Variants in NEGR1 observed in about 807,000 individuals in gnomAD.
NEGR1 encodes the protein neuronal growth regulator 1.
Under a neutral mutation model 40.9 loss-of-function variants are expected in NEGR1, and 10 were observed. That is an observed-to-expected ratio of 0.24 (90% confidence interval 0.15 to 0.42). NEGR1 has a LOEUF of 0.42. NEGR1 is among the 10% of genes least tolerant of loss of function. The probability of loss-of-function intolerance (pLI) is 1.00; values close to 1 mark genes in which losing one functional copy is unlikely to be tolerated. For missense variants in NEGR1, 352 were observed against 438.9 expected (o/e 0.80, Z 1.77); for synonymous variants, 185 against 166.8 (o/e 1.11, Z -0.84).
At chr1:72,174,494 C>A (rs775889422) in intron 1 of NEGR1, among the ~76,000 whole-genome samples, 1 of 152,228 alleles carries the variant, frequency 6.6e-6, no homozygotes, top group Admixed American at 6.5e-5. Flanking sequence ...CTATTCATTT[C>A]TTTCTCCCCT....
intron 6 of NEGR1, among the ~76,000 whole-genome samples, chr1:71,483,583 G>A (rs371240105): frequency 6.6e-6 from 1 of 150,592 alleles, no homozygotes; most frequent in African/African-American, 2.5e-5. Context: ...AAACTTTTAA[G>A]TCATATGTGG....
At chr1:72,107,657 T>A (rs1477753755) in intron 1 of NEGR1, among the ~76,000 whole-genome samples, 1 of 151,466 alleles carries the variant, frequency 6.6e-6, no homozygotes. Context: ...TTAAATAAAT[T>A]ATTTTATCAA....
chr1:71,956,984 A>G (rs1481590619), intron 1 of NEGR1, among the ~76,000 whole-genome samples: 1 of 152,170 alleles, frequency 6.6e-6, no homozygotes, highest in Non-Finnish European at 1.5e-5. Flanking sequence ...GTGCATATAA[A>G]TGAATTAAAA....
intron 1 of NEGR1, among the ~76,000 whole-genome samples, chr1:72,241,669 C>T (rs72941288): frequency 0.04 from 6,025 of 151,554 alleles, 423 homozygotes; most frequent in African/African-American, 0.14. Flanking sequence ...ACAATAGTTG[C>T]ATGATCACAT....
At chr1:71,728,431 C>G (rs1432885358) in intron 3 of NEGR1, among the ~76,000 whole-genome samples, 1 of 152,050 alleles carries the variant, frequency 6.6e-6, no homozygotes, top group Non-Finnish European at 1.5e-5. Context: ...CTAGTGACTC[C>G]CATCTCATGA....
chr1:71,557,950 G>A (rs757085518), intron 6 of NEGR1, among the ~76,000 whole-genome samples: 8 of 151,454 alleles, frequency 5.3e-5, no homozygotes, highest in Non-Finnish European at 1.0e-4. Context: ...AAGAGCACTG[G>A]TTGGATTTTT....
chr1:71,624,685 C>T (rs532111015), intron 4 of NEGR1, among the ~76,000 whole-genome samples: 1 of 152,014 alleles, frequency 6.6e-6, no homozygotes, highest in Admixed American at 6.6e-5. Context: ...AGTCATCCCT[C>T]AGATATTGAC....
In NEGR1 at chr1:71,953,843, A is replaced by G. The variant is rs1220412899; in HGVS notation, c.177-18532T>C. On this transcript the variant is annotated intron_variant, in intron 1 of 6. Transcript: ENST00000357731. ...AAGTGATATACTTTTTTTTAGACATAATGCTATTGCATACTTAATAGATGA... is the reference window on the plus strand; with the variant it reads ...AAGTGATATACTTTTTTTTAGACATGATGCTATTGCATACTTAATAGATGA... Among the ~76,000 whole-genome samples the G allele has an allele frequency of 2.0e-5, 3 of 152,124 alleles. No individual in the cohort carries two copies. In the East Asian group the frequency reaches 5.8e-4, roughly 29 times the overall value.
chr1:72,179,250 T>C (rs1652279432), intron 1 of NEGR1, among the ~76,000 whole-genome samples: 1 of 152,094 alleles, frequency 6.6e-6, no homozygotes, highest in Non-Finnish European at 1.5e-5. Flanking sequence ...CAGCATTTAT[T>C]GAATAGGGTG....
At chr1:71,914,576 G>C (rs549041302) in intron 2 of NEGR1, among the ~76,000 whole-genome samples, 1 of 152,300 alleles carries the variant, frequency 6.6e-6, no homozygotes, top group East Asian at 1.9e-4. Context: ...AGTGGTGTAA[G>C]CCCCTTCTCT....
intron 6 of NEGR1, among the ~76,000 whole-genome samples, chr1:71,411,283 A>G (rs1358678048): frequency 6.6e-6 from 1 of 152,148 alleles, no homozygotes; most frequent in Admixed American, 6.5e-5. Flanking sequence ...TGTACAGGTC[A>G]GACTACCTCC....
At chr1:72,280,395 C>T (rs2100571058) in intron 1 of NEGR1, among the ~76,000 whole-genome samples, 1 of 152,276 alleles carries the variant, frequency 6.6e-6, no homozygotes, top group African/African-American at 2.4e-5. Context: ...ATGCTCACTA[C>T]AAATAAGCAA....
At chr1:72,182,252 G>T (rs1652404376) in intron 1 of NEGR1, among the ~76,000 whole-genome samples, 1 of 152,122 alleles carries the variant, frequency 6.6e-6, no homozygotes, top group African/African-American at 2.4e-5. Flanking sequence ...CCAGCACTTT[G>T]GGAGACCGAG....
intron 2 of NEGR1, among the ~76,000 whole-genome samples, chr1:71,785,876 A>C (rs1010541272): frequency 7.9e-5 from 12 of 152,196 alleles, no homozygotes; most frequent in Non-Finnish European, 8.8e-5. Flanking sequence ...AAGCCTGCTC[A>C]GGTTCAATAT....
At chr1:71,943,280 C>CACATGTATCATACACATATATAT (rs1553123630) in intron 1 of NEGR1, among the ~76,000 whole-genome samples, 5 of 149,208 alleles carry the variant, frequency 3.4e-5, no homozygotes, top group Non-Finnish European at 7.4e-5. Flanking sequence ...CACATATATA[C>CACATGTATCATACACATATATAT]ACATGTATCA....
intron 3 of NEGR1, among the ~76,000 whole-genome samples, chr1:71,726,050 C>T (rs1654664422): frequency 6.6e-6 from 1 of 152,112 alleles, no homozygotes; most frequent in African/African-American, 2.4e-5. Context: ...GGAAAGAATG[C>T]TGGATGACAA....
chr1:71,594,751 C>T (rs1344788753), intron 5 of NEGR1, among the ~76,000 whole-genome samples: 1 of 152,184 alleles, frequency 6.6e-6, no homozygotes, highest in African/African-American at 2.4e-5. Context: ...TTAACAACTT[C>T]GTTTTTAACT....
rs3980432 is a variant in NEGR1 at position 71,690,565 on chromosome 1, AACACACAC to A, written c.667+7435_667+7442del. Among the ~76,000 whole-genome samples the A allele has an allele frequency of 9.2e-3, 1,092 of 119,254 alleles. 10 individuals are homozygous for A. The highest frequency in any genetic ancestry group is 0.025 in the African/African-American group (756 of 30,810). 78.2% of individuals were successfully genotyped at this position (119,254 alleles called of 152,430 possible). ...ACAAATGCACACATATAAGTTATAT[AACACACAC>A]ACACACACACACACACACACACACA... On this transcript the variant is annotated intron_variant, in intron 4 of 6. Coordinates refer to ENST00000357731, the MANE Select transcript of NEGR1 (RefSeq NM_173808.3).
At chr1:72,272,538 T>C (rs566528661) in intron 1 of NEGR1, among the ~76,000 whole-genome samples, 70 of 152,092 alleles carry the variant, frequency 4.6e-4, no homozygotes, top group Admixed American at 1.2e-3. Context: ...TAAAATATCT[T>C]CTGATTATAG....
Sources: gnomAD v4.1 joint callset for allele counts (sites outside exome capture counted in the v4.1 genomes callset) on GRCh38, gnomAD v4.1.1 for gene constraint, MANE v1.5 for transcripts, NCBI Gene and HGNC (gene_info 2026-07-23, HGNC 2026-07-21) for gene names.